The following VWA3A variants were observed in gnomAD, a reference collection of about 807,000 sequenced individuals.
VWA3A encodes von Willebrand factor A domain containing 3A, also known as von Willebrand factor A domain-containing protein 3A.
A neutral mutation model predicts 160.4 loss-of-function variants in VWA3A; 134 were observed. That is an observed-to-expected ratio of 0.84 (90% confidence interval 0.73 to 0.96). The LOEUF is 0.96. Ranked by LOEUF, VWA3A falls within the 40% of genes least tolerant of loss-of-function variation. VWA3A has a pLI of 0.00. For synonymous variants in VWA3A, 476 were observed against 543.4 expected (o/e 0.88, Z 1.72); for missense variants, 1,310 against 1,447.9 (o/e 0.90, Z 1.55).
At chr16:22,127,110 T>C (rs2045864012) in intron 17 of VWA3A, among the ~76,000 whole-genome samples, 1 of 150,718 alleles carries the variant, frequency 6.6e-6, no homozygotes, top group Non-Finnish European at 1.5e-5. Context: ...TTAAAAACTA[T>C]ATATATAGTT....
chr16:22,141,375 A>G, intron 23 of VWA3A: 1 of 646,570 alleles, frequency 1.5e-6, no homozygotes, highest in South Asian at 1.7e-5. Flanking sequence ...AAAGATCTGG[A>G]CTCAGTAAAT....
chr16:22,146,365 G>A lies in VWA3A; in HGVS notation c.2839+21G>A, dbSNP rs570823229. The A allele has an allele frequency of 6.2e-6, 10 of 1,604,522 alleles. No individual in the cohort carries two copies. In the South Asian group the frequency reaches 8.9e-5, roughly 14 times the overall value. On this transcript the variant is annotated intron_variant, in intron 27 of 33. Transcript: ENST00000389398. ...GTCCGGTGAGCCTGCCCACTGCCCT[G>A]AAGGGTGGAGGAGCATGAGGGGATG... is the stretch of plus-strand genomic sequence containing the variant.
At position 22,146,455 on chromosome 16, in the gene VWA3A, A is replaced by G. The variant is rs546832890; in HGVS notation, c.2839+111A>G. 3.5e-6 allele frequency: 3 copies of G among 853,656 alleles called. No homozygotes were observed. The East Asian group carries it at 8.1e-5, about 23-fold the overall frequency. The allele number at this position is 853,656 out of a possible 1,614,324, so 52.9% of individuals were successfully genotyped here. A position where few individuals can be genotyped will look rare whatever the true frequency, so the allele number is the denominator to read the frequency against. ...AAAGCCAGGCCTTCAAGAACTGCAG[A>G]TCAGAGGATTAGGCCAGGAACATCA... On this transcript the variant is annotated intron_variant, in intron 27 of 33. Coordinates refer to ENST00000389398, the MANE Select transcript of VWA3A (RefSeq NM_173615.5).
chr16:22,154,453 C>T (rs1268639641), intron 31 of VWA3A, among the ~76,000 whole-genome samples: 2 of 149,894 alleles, frequency 1.3e-5, no homozygotes, highest in Non-Finnish European at 3.0e-5. Context: ...CTCAGCCTCC[C>T]GAGTAGCTAG....
At chr16:22,137,924 A>G (rs2046074276) in intron 21 of VWA3A, among the ~76,000 whole-genome samples, 1 of 152,156 alleles carries the variant, frequency 6.6e-6, no homozygotes, top group Non-Finnish European at 1.5e-5. Flanking sequence ...ATCTGGTGCT[A>G]TGTGACTTTA....
chr16:22,110,985 G>A lies in VWA3A; in HGVS notation c.680G>A (p.Ser227Asn). The change falls in exon 8 of 34, where the codon AGC (serine) becomes AAC (asparagine). Residue 227 changes from serine to asparagine, a missense_variant. Transcript: ENST00000389398. ...CTCTGGCCAGACCCCATGGAAGTCA[G>A]CGCCTCCACGTGAGTGGCTTTCCTA... is the stretch of plus-strand genomic sequence containing the variant. ...GSLWPDPMEV[S>N]ASTLQELKLW... 1 of 1,605,974 alleles carries A rather than the reference G, an allele frequency of 6.2e-7. No homozygotes were observed. Among genetic ancestry groups the A allele is most frequent in the South Asian group, 1.1e-5 (1 of 89,242 alleles).
chr16:22,153,687 T>C (rs2046387661), intron 31 of VWA3A, among the ~76,000 whole-genome samples: 2 of 151,944 alleles, frequency 1.3e-5, no homozygotes, highest in Non-Finnish European at 2.9e-5. Context: ...CCAATCAGAA[T>C]TCCAGATTTC....
intron 12 of VWA3A, among the ~76,000 whole-genome samples, chr16:22,120,240 G>C (rs1257953663): frequency 3.6e-4 from 55 of 152,084 alleles, no homozygotes; most frequent in Admixed American, 3.6e-3. Flanking sequence ...CCAAAACCTT[G>C]CCAAGAGTTT....
intron 21 of VWA3A, among the ~76,000 whole-genome samples, chr16:22,135,025 C>T (rs2046015123): frequency 6.6e-6 from 1 of 152,138 alleles, no homozygotes; most frequent in South Asian, 2.1e-4. Flanking sequence ...AGACCAGCCT[C>T]AGCAACACGG....
chr16:22,101,486 C>T (rs529461225), intron 5 of VWA3A, among the ~76,000 whole-genome samples: 1 of 152,184 alleles, frequency 6.6e-6, no homozygotes, highest in East Asian at 1.9e-4. Flanking sequence ...GGGCAATTTA[C>T]AGAAGAAAGA....
intron 31 of VWA3A, among the ~76,000 whole-genome samples, chr16:22,155,031 G>A (rs1364632776): frequency 6.8e-6 from 1 of 147,876 alleles, no homozygotes; most frequent in East Asian, 2.0e-4. Flanking sequence ...GCACATGCCT[G>A]TGGTCCTAGC....
chr16:22,108,572 G>A (rs1195058471), intron 6 of VWA3A, among the ~76,000 whole-genome samples: 3 of 152,162 alleles, frequency 2.0e-5, no homozygotes, highest in Admixed American at 6.5e-5. Context: ...CAGAAAGGGA[G>A]TGCTGGAGGT....
At position 22,145,515 on chromosome 16, in the gene VWA3A, T is replaced by G. The variant is rs546004000; in HGVS notation, c.2731-721T>G. ...TTAGCCAGGCATGGTGCTGTGCACC[T>G]GTAATCCCAGCTACTCAGGAGGCTG... On this transcript the variant is annotated intron_variant, in intron 26 of 33. Transcript: ENST00000389398. Among the ~76,000 whole-genome samples, 8 of 152,044 alleles carry G rather than the reference T, an allele frequency of 5.3e-5. No individual in the cohort carries two copies. The South Asian group carries it at 1.7e-3, about 32-fold the overall frequency.
chr16:22,115,924 A>AGG (rs1567203055), intron 9 of VWA3A, among the ~76,000 whole-genome samples: 889 of 19,370 alleles, frequency 0.046, 114 homozygotes, highest in African/African-American at 0.073. Context: ...GAAGGAAGGA[A>AGG]AGGAAAGGAA....
chr16:22,146,073 C>T (rs1386398944), intron 26 of VWA3A, among the ~76,000 whole-genome samples, 163 bp from the exon 27 acceptor site: 3 of 152,176 alleles, frequency 2.0e-5, no homozygotes, highest in South Asian at 4.1e-4. Context: ...CCTCCTGCCT[C>T]GGCCTCCCAA....
chr16:22,147,179 T>A (rs1420367167), intron 27 of VWA3A, among the ~76,000 whole-genome samples: 6 of 152,156 alleles, frequency 3.9e-5, no homozygotes, highest in Non-Finnish European at 8.8e-5. Context: ...CGTGCCACCA[T>A]GCCCAGCTTA....
intron 22 of VWA3A, 123 bp from the exon 23 acceptor site, chr16:22,140,031 G>A: frequency 1.1e-6 from 1 of 872,750 alleles, no homozygotes; most frequent in Non-Finnish European, 1.8e-6. Context: ...CCTGTCTGAG[G>A]AGTCCCCTCC....
At position 22,110,934 on chromosome 16, in the gene VWA3A, T is replaced by C; in HGVS notation, c.629T>C (p.Leu210Pro). The C allele has an allele frequency of 1.2e-6, 2 of 1,610,640 alleles. No homozygotes were observed. Among genetic ancestry groups the C allele is most frequent in the Non-Finnish European group, 1.7e-6 (2 of 1,178,596 alleles). Residue 210 changes from leucine to proline, a missense_variant, in exon 8 of 34, where the codon CTG becomes CCG. By Grantham distance (98) the Leu-to-Pro change is moderately conservative (BLOSUM62 -3). Coordinates refer to ENST00000389398, the MANE Select transcript of VWA3A (RefSeq NM_173615.5). ...AGCCACAAGGAGAAGCTGTTTGTCC[T>C]GTCCTTTGGCACCAATGCCGGGTCC... ...QLSHKEKLFV[L>P]SFGTNAGSLW...
At chr16:22,126,952 TCAG>T (rs1357372357) in intron 17 of VWA3A, among the ~76,000 whole-genome samples, 9 of 51,768 alleles carry the variant, frequency 1.7e-4, no homozygotes, top group Admixed American at 1.7e-3. Flanking sequence ...ACAACAAAGA[TCAG>T]AGAGGTTTTG....
Sources: gnomAD v4.1 joint callset for allele counts (sites outside exome capture counted in the v4.1 genomes callset) on GRCh38, gnomAD v4.1.1 for gene constraint, MANE v1.5 for transcripts, NCBI Gene and HGNC (gene_info 2026-07-23, HGNC 2026-07-21) for gene names.